Variants in MTA3 observed in about 807,000 individuals in gnomAD.
The protein encoded by MTA3 is metastasis-associated protein MTA3.
MTA3 carries 34 observed loss-of-function variants against 83.5 expected under a neutral mutation model. The observed-to-expected ratio is 0.41, with a 90% CI of 0.31 to 0.54. The LOEUF is 0.54. MTA3 is among the 20% of genes least tolerant of loss of function. The pLI, the probability that MTA3 is intolerant of heterozygous loss-of-function variation, is 0.33. For synonymous variants in MTA3, 303 were observed against 252.7 expected (o/e 1.20, Z -1.89); for missense variants, 761 against 726.4 (o/e 1.05, Z -0.55).
At chr2:42,663,031 G>C (rs1030365484) in intron 8 of MTA3, among the ~76,000 whole-genome samples, 1 of 152,024 alleles carries the variant, frequency 6.6e-6, no homozygotes, top group Non-Finnish European at 1.5e-5. Context: ...TGCCTGGCCG[G>C]ATAAAAATAC....
intron 10 of MTA3, 90 bp from the exon 11 acceptor site, chr2:42,697,686 A>G (rs1489503354): frequency 1.3e-5 from 11 of 864,304 alleles, no homozygotes; most frequent in Non-Finnish European, 1.8e-5. Context: ...TTACACTTTA[A>G]TACGTATTTT....
intron 3 of MTA3, among the ~76,000 whole-genome samples, chr2:42,606,366 G>A (rs868542429): frequency 1.3e-4 from 19 of 145,450 alleles, no homozygotes; most frequent in African/African-American, 4.1e-4. Context: ...GGGCGGAGGG[G>A]CTCCTCACTT....
chr2:42,605,721 C>G (rs1683231865), intron 3 of MTA3, among the ~76,000 whole-genome samples: 1 of 130,406 alleles, frequency 7.7e-6, no homozygotes, highest in African/African-American at 3.0e-5. Flanking sequence ...GGGCCGACCC[C>G]CCCACCTCCC....
At chr2:42,495,101 G>A (rs1674071265) in intron 1 of MTA3, 1 of 152,696 alleles carries the variant, frequency 6.5e-6, no homozygotes, top group African/African-American at 2.4e-5. Flanking sequence ...CTGACCACAG[G>A]GTAACCTGGC....
chr2:42,629,388 G>GT lies in MTA3; in HGVS notation c.318-10784dup, dbSNP rs1480155080. On this transcript the variant is annotated intron_variant, in intron 4 of 16. Coordinates refer to ENST00000405094, the MANE Select transcript of MTA3 (RefSeq NM_001330442.2). ...TCCACCGTGCCCAGCGGATAGAGCA[G>GT]TCTTTTTTTGTTTTCAGGACCACAG... Among the ~76,000 whole-genome samples, 402 of 152,178 alleles carry GT rather than the reference G, an allele frequency of 2.6e-3. 2 individuals are homozygous for GT. The highest frequency in any genetic ancestry group is 8.4e-3 in the African/African-American group (347 of 41,492).
chr2:42,557,153 GAATT>G (rs1677432008), intron 2 of MTA3, among the ~76,000 whole-genome samples: 1 of 152,136 alleles, frequency 6.6e-6, no homozygotes, highest in Non-Finnish European at 1.5e-5. Context: ...TGAGGCAGGA[GAATT>G]GCTTGAACAC....
chr2:42,721,616 A>G (rs2104539866), intron 15 of MTA3, among the ~76,000 whole-genome samples: 1 of 152,332 alleles, frequency 6.6e-6, no homozygotes, highest in Admixed American at 6.5e-5. Flanking sequence ...GATGTGAGCC[A>G]CTGCACCTGG....
intron 8 of MTA3, among the ~76,000 whole-genome samples, chr2:42,676,112 A>G (rs1337003403): frequency 6.6e-6 from 1 of 152,222 alleles, no homozygotes; most frequent in Non-Finnish European, 1.5e-5. Context: ...CAGTAATTCC[A>G]ATGTATTCTT....
At chr2:42,634,267 T>C (rs1252247278) in intron 4 of MTA3, among the ~76,000 whole-genome samples, 1 of 152,188 alleles carries the variant, frequency 6.6e-6, no homozygotes, top group East Asian at 1.9e-4. Flanking sequence ...TTTATGTATT[T>C]TAATTAGGTA....
intron 4 of MTA3, among the ~76,000 whole-genome samples, chr2:42,632,329 A>C (rs1380138236): frequency 6.6e-6 from 1 of 151,894 alleles, no homozygotes; most frequent in Non-Finnish European, 1.5e-5. Context: ...TGACCTCATG[A>C]TCCGCCCACC....
chr2:42,594,728 A>ATATATATTT lies in MTA3; in HGVS notation c.191-14729_191-14728insATATATTTT. Among the ~76,000 whole-genome samples the ATATATATTT allele has an allele frequency of 8.8e-3, 211 of 24,042 alleles. 4 individuals carry two copies. The highest frequency in any genetic ancestry group is 0.016 in the South Asian group (4 of 244). 15.8% of individuals were successfully genotyped at this position (24,042 alleles called of 152,430 possible). A position where few individuals can be genotyped will look rare whatever the true frequency, so the allele number is the denominator to read the frequency against. On this transcript the variant is annotated intron_variant, in intron 3 of 16. Transcript: ENST00000405094. ...TACATATATATATATATATATATAT[A>ATATATATTT]TTTTTTTTTTTTTTTTGAGACAGAG...
At chr2:42,540,148 A>G (rs1011705096) in intron 2 of MTA3, among the ~76,000 whole-genome samples, 5 of 151,442 alleles carry the variant, frequency 3.3e-5, no homozygotes, top group Non-Finnish European at 7.4e-5. Context: ...ATTACAGCCA[A>G]TAGTGGGCAT....
chr2:42,581,143 T>A (rs1679574830), intron 3 of MTA3, among the ~76,000 whole-genome samples: 1 of 152,190 alleles, frequency 6.6e-6, no homozygotes, highest in Non-Finnish European at 1.5e-5. Context: ...TTCAATTAAT[T>A]GCTGACATGT....
intron 8 of MTA3, among the ~76,000 whole-genome samples, chr2:42,671,122 C>T (rs1173584124): frequency 6.6e-6 from 1 of 152,062 alleles, no homozygotes; most frequent in African/African-American, 2.4e-5. Flanking sequence ...TTGAAGAGTG[C>T]AGGCCACTTA....
At chr2:42,514,533 ACCACCACAT>A (rs1465434259) in intron 2 of MTA3, among the ~76,000 whole-genome samples, 1 of 151,332 alleles carries the variant, frequency 6.6e-6, no homozygotes, top group Non-Finnish European at 1.5e-5. Flanking sequence ...ACAGGCGCCC[ACCACCACAT>A]CCAGCTAATT....
At chr2:42,638,042 G>T (rs548815963) in intron 4 of MTA3, among the ~76,000 whole-genome samples, 1 of 151,752 alleles carries the variant, frequency 6.6e-6, no homozygotes, top group Admixed American at 6.6e-5. Context: ...CAGTTGACTA[G>T]CCTTAAAAAA....
intron 14 of MTA3, among the ~76,000 whole-genome samples, chr2:42,716,040 C>A (rs1470852822): frequency 6.6e-6 from 1 of 152,202 alleles, no homozygotes; most frequent in East Asian, 1.9e-4. Context: ...TCCTTACAGG[C>A]TTTGGGTTGC....
intron 2 of MTA3, among the ~76,000 whole-genome samples, chr2:42,558,813 C>T (rs1425261159): frequency 6.6e-6 from 1 of 152,002 alleles, no homozygotes; most frequent in Non-Finnish European, 1.5e-5. Flanking sequence ...CCTCAGCCTC[C>T]CAAAGTGCTA....
intron 11 of MTA3, chr2:42,703,371 A>C (rs1665763995): frequency 6.6e-6 from 1 of 152,192 alleles, no homozygotes; most frequent in African/African-American, 2.4e-5. Flanking sequence ...TGAAGTCCTA[A>C]GTGACCTAGA....
Sources: gnomAD v4.1 joint callset for allele counts (sites outside exome capture counted in the v4.1 genomes callset) on GRCh38, gnomAD v4.1.1 for gene constraint, MANE v1.5 for transcripts, NCBI Gene and HGNC (gene_info 2026-07-23, HGNC 2026-07-21) for gene names.